PTPRD: variants seen among roughly 807,000 people sequenced by gnomAD.
The protein encoded by PTPRD is receptor-type tyrosine-protein phosphatase delta.
PTPRD carries 34 observed loss-of-function variants against 214.5 expected under a neutral mutation model. That is an observed-to-expected ratio of 0.16 (90% CI 0.12 to 0.21). The LOEUF (loss-of-function observed/expected upper bound fraction) is 0.21, where lower values mean the gene tolerates loss of function less well. Ranked by LOEUF, PTPRD falls within the 10% of genes least tolerant of loss-of-function variation. The pLI is 1.00. For missense variants in PTPRD, 2,545 were observed against 2,398.7 expected, an observed-to-expected ratio of 1.06 and a Z score of -1.27; for synonymous variants, 1,128 against 845.7, an observed-to-expected ratio of 1.33 and a Z score of -5.79.
chr9:9,832,755 G>C (rs1286711054), intron 5 of PTPRD, among the ~76,000 whole-genome samples: 4 of 151,968 alleles, frequency 2.6e-5, no homozygotes, highest in African/African-American at 9.7e-5. Context: ...TAGAACTGCA[G>C]CAGCCATCCA....
At chr9:9,413,593 A>G (rs1022527448) in intron 8 of PTPRD, among the ~76,000 whole-genome samples, 3 of 152,182 alleles carry the variant, frequency 2.0e-5, no homozygotes, top group Non-Finnish European at 1.5e-5. Context: ...GAAATTATAT[A>G]AACTCTCTGT....
intron 33 of PTPRD, among the ~76,000 whole-genome samples, chr9:8,455,727 G>C (rs888879763): frequency 6.6e-6 from 1 of 152,186 alleles, no homozygotes; most frequent in East Asian, 1.9e-4. Context: ...GATTTACGTA[G>C]TGTGCCAGGT....
intron 5 of PTPRD, among the ~76,000 whole-genome samples, chr9:9,818,426 T>A (rs141242086): frequency 1.3e-3 from 197 of 152,290 alleles, no homozygotes; most frequent in African/African-American, 4.6e-3. Context: ...CTAGATGCTA[T>A]GTTTCCTCTT....
chr9:9,080,565 A>G (rs1277478960), intron 10 of PTPRD, among the ~76,000 whole-genome samples: 1 of 152,048 alleles, frequency 6.6e-6, no homozygotes, highest in East Asian at 1.9e-4. Context: ...AAGATTACAT[A>G]GCTACAGGCA....
At chr9:10,072,477 G>T (rs149074796) in intron 3 of PTPRD, among the ~76,000 whole-genome samples, 2 of 152,198 alleles carry the variant, frequency 1.3e-5, no homozygotes, top group African/African-American at 2.4e-5. Context: ...GCAGCAACAA[G>T]ATTTATTGTG....
At chr9:9,035,733 C>G (rs555385212) in intron 10 of PTPRD, among the ~76,000 whole-genome samples, 1 of 152,064 alleles carries the variant, frequency 6.6e-6, no homozygotes, top group African/African-American at 2.4e-5. Context: ...GGTATATTTG[C>G]TTGGCTATAT....
intron 5 of PTPRD, among the ~76,000 whole-genome samples, chr9:9,822,960 C>T (rs2051311645): frequency 6.6e-6 from 1 of 152,070 alleles, no homozygotes. Flanking sequence ...GCAATCCCAC[C>T]ATTGCATTCT....
At chr9:9,387,814 C>A (rs1028515915) in intron 9 of PTPRD, among the ~76,000 whole-genome samples, 3 of 152,072 alleles carry the variant, frequency 2.0e-5, no homozygotes, top group Non-Finnish European at 2.9e-5. Flanking sequence ...GGGGCTCCGA[C>A]CCTATGGCAA....
At chr9:8,680,905 G>T (rs2154372296) in intron 12 of PTPRD, among the ~76,000 whole-genome samples, 1 of 152,324 alleles carries the variant, frequency 6.6e-6, no homozygotes, top group South Asian at 2.1e-4. Context: ...TTGAGTTTCA[G>T]GGCCCTGGAA....
chr9:8,506,937 C>T (rs1231744967), intron 22 of PTPRD, among the ~76,000 whole-genome samples: 1 of 152,192 alleles, frequency 6.6e-6, no homozygotes, highest in Non-Finnish European at 1.5e-5. Context: ...CCTGTCCCCA[C>T]AGTGACTTAA....
chr9:9,016,521 C>T (rs576485251), intron 11 of PTPRD, among the ~76,000 whole-genome samples: 3 of 152,004 alleles, frequency 2.0e-5, no homozygotes, highest in Non-Finnish European at 2.9e-5. Context: ...TGGTTAAAAT[C>T]GGGGAGATGG....
chr9:9,279,882 C>T (rs1002963959), intron 9 of PTPRD, among the ~76,000 whole-genome samples: 38 of 151,056 alleles, frequency 2.5e-4, no homozygotes, highest in African/African-American at 7.8e-4. Flanking sequence ...AATTCACTCA[C>T]GCCACTCTAC....
intron 4 of PTPRD, among the ~76,000 whole-genome samples, chr9:9,980,821 G>C (rs745325467): frequency 6.6e-6 from 1 of 150,634 alleles, no homozygotes; most frequent in African/African-American, 2.4e-5. Flanking sequence ...CGTATTTATA[G>C]GTAGTTCACA....
chr9:10,059,636 A>C (rs943163329), intron 3 of PTPRD, among the ~76,000 whole-genome samples: 79 of 152,032 alleles, frequency 5.2e-4, no homozygotes, highest in Admixed American at 1.1e-3. Flanking sequence ...TATTTTCTCT[A>C]TTTCTTTTTC....
intron 7 of PTPRD, among the ~76,000 whole-genome samples, chr9:9,685,181 AAAAAT>A (rs2097145783): frequency 6.6e-6 from 1 of 151,324 alleles, no homozygotes; most frequent in African/African-American, 2.4e-5. Context: ...ATAAAATGTG[AAAAAT>A]AAAAGTTTCT....
chr9:9,209,292 C>G (rs1291745586), intron 9 of PTPRD, among the ~76,000 whole-genome samples: 1 of 152,046 alleles, frequency 6.6e-6, no homozygotes, highest in Non-Finnish European at 1.5e-5. Context: ...GGGTCAAACA[C>G]CTGTGTTTCC....
intron 9 of PTPRD, among the ~76,000 whole-genome samples, chr9:9,321,927 T>C (rs910546755): frequency 6.6e-6 from 1 of 152,204 alleles, no homozygotes; most frequent in Non-Finnish European, 1.5e-5. Flanking sequence ...AGGTACTTTA[T>C]CGCTCTCATT....
chr9:9,090,754 T>C (rs2099774316), intron 10 of PTPRD: 1 of 630,422 alleles, frequency 1.6e-6, no homozygotes, highest in Non-Finnish European at 2.8e-6. Context: ...AAAACATCAG[T>C]GATTTCAAGT....
intron 2 of PTPRD, among the ~76,000 whole-genome samples, chr9:10,558,889 G>T (rs2063213180): frequency 6.6e-6 from 1 of 152,116 alleles, no homozygotes; most frequent in South Asian, 2.1e-4. Flanking sequence ...TCTTGGAATT[G>T]CAACTCTTTT....
Sources: gnomAD v4.1 joint callset for allele counts (sites outside exome capture counted in the v4.1 genomes callset) on GRCh38, gnomAD v4.1.1 for gene constraint, MANE v1.5 for transcripts, NCBI Gene and HGNC (gene_info 2026-07-23, HGNC 2026-07-21) for gene names.